The following HDAC9 variants were observed in gnomAD, a reference collection of about 807,000 sequenced individuals.
HDAC9 encodes MEF-2 interacting transcription repressor (MITR) protein.
A neutral mutation model predicts 139.4 loss-of-function variants in HDAC9; 41 were observed. The observed-to-expected ratio is 0.29, with a 90% CI of 0.23 to 0.38. The LOEUF (loss-of-function observed/expected upper bound fraction) is 0.38. Among genes scored for constraint, HDAC9 ranks in the 10% least tolerant of loss-of-function variants. The pLI is 1.00. For synonymous variants in HDAC9, 517 were observed against 476.2 expected (o/e 1.09, Z -1.12); for missense variants, 1,147 against 1,297.0 (o/e 0.88, Z 1.78).
At chr7:18,539,820 G>A (rs1812163021) in intron 2 of HDAC9, among the ~76,000 whole-genome samples, 1 of 151,962 alleles carries the variant, frequency 6.6e-6, no homozygotes, top group Non-Finnish European at 1.5e-5. Context: ...TGTGATTATA[G>A]TTATTTGAAT....
chr7:18,495,678 T>C, upstream of HDAC9: 1 of 910,100 alleles, frequency 1.1e-6, no homozygotes. Context: ...GGCCATGCTG[T>C]TGTTGATTCA....
chr7:18,366,067 T>G (rs1360941803), intron 1 of HDAC9, among the ~76,000 whole-genome samples: 3 of 146,048 alleles, frequency 2.1e-5, no homozygotes, highest in Non-Finnish European at 4.5e-5. Context: ...ATTTGAAAAA[T>G]ATTTATTTCA....
intron 14 of HDAC9, among the ~76,000 whole-genome samples, chr7:18,754,891 A>T: frequency 6.6e-6 from 1 of 152,148 alleles, no homozygotes; most frequent in Admixed American, 6.6e-5. Flanking sequence ...CTGTGGTGAA[A>T]CACTTTGGAA....
chr7:18,326,850 G>A (rs1312913548), intron 1 of HDAC9, among the ~76,000 whole-genome samples: 1 of 151,864 alleles, frequency 6.6e-6, no homozygotes, highest in Non-Finnish European at 1.5e-5. Context: ...AGAATTCAGG[G>A]GAGAACTGAT....
intron 11 of HDAC9, among the ~76,000 whole-genome samples, chr7:18,651,814 A>G (rs1381115623): frequency 6.6e-6 from 1 of 152,098 alleles, no homozygotes; most frequent in Admixed American, 6.6e-5. Flanking sequence ...TCTTACAGTT[A>G]CGGTGTAAGT....
At chr7:18,412,330 A>C (rs1394085824) in intron 1 of HDAC9, among the ~76,000 whole-genome samples, 1 of 152,182 alleles carries the variant, frequency 6.6e-6, no homozygotes, top group Non-Finnish European at 1.5e-5. Flanking sequence ...TATATAGCTC[A>C]CTGAAAAAAC....
Position 18,793,457 on chromosome 7 carries a change from G to A in HDAC9, c.2322+5G>A. 1 of 1,539,086 alleles carries A rather than the reference G, an allele frequency of 6.5e-7. No individual in the cohort carries two copies. The highest frequency in any genetic ancestry group is 8.8e-7 in the Non-Finnish European group (1 of 1,131,044). On this transcript the variant is annotated splice_donor_5th_base_variant and intron_variant, in intron 17 of 25. Transcript: ENST00000686413. ...GTGGCCTCAGGAGAGCTGAAGGTGAGGTCCGGGTTGCATTAAGTGTGGGAA... is the reference window on the plus strand; with the variant it reads ...GTGGCCTCAGGAGAGCTGAAGGTGAAGTCCGGGTTGCATTAAGTGTGGGAA...
intron 2 of HDAC9, among the ~76,000 whole-genome samples, chr7:18,180,447 G>A (rs537978470): frequency 6.6e-6 from 1 of 151,854 alleles, no homozygotes; most frequent in African/African-American, 2.4e-5. Flanking sequence ...TCACTGATAA[G>A]ATTGATGAGT....
chr7:18,708,840 A>T (rs545285391), intron 12 of HDAC9, among the ~76,000 whole-genome samples: 20 of 152,268 alleles, frequency 1.3e-4, no homozygotes, highest in Admixed American at 7.9e-4. Context: ...TATGTGGTAC[A>T]CAGAAACACT....
At chr7:18,453,315 A>G (rs915095172) in intron 1 of HDAC9, among the ~76,000 whole-genome samples, 18 of 152,196 alleles carry the variant, frequency 1.2e-4, no homozygotes, top group African/African-American at 3.9e-4. Flanking sequence ...GTCAGCATTG[A>G]TTAAAAAAAG....
intron 16 of HDAC9, among the ~76,000 whole-genome samples, chr7:18,775,880 A>T (rs1031195819): frequency 1.3e-5 from 2 of 152,036 alleles, no homozygotes; most frequent in Non-Finnish European, 2.9e-5. Context: ...CTAATGAAAC[A>T]GTTCTACGAG....
intron 1 of HDAC9, among the ~76,000 whole-genome samples, chr7:18,301,918 G>T (rs138832731): frequency 1.4e-4 from 21 of 152,298 alleles, no homozygotes; most frequent in African/African-American, 5.1e-4. Context: ...AATGGATCTT[G>T]TATAAATCTT....
At chr7:18,103,388 G>T (rs1320154384) in intron 1 of HDAC9, among the ~76,000 whole-genome samples, 1 of 152,034 alleles carries the variant, frequency 6.6e-6, no homozygotes, top group African/African-American at 2.4e-5. Flanking sequence ...TGTTACAAGG[G>T]TATATTGTGT....
intron 1 of HDAC9, among the ~76,000 whole-genome samples, chr7:18,155,451 A>G (rs966149400): frequency 3.9e-5 from 6 of 152,200 alleles, no homozygotes; most frequent in Admixed American, 2.0e-4. Flanking sequence ...ATGAAATGCA[A>G]TATCCAGCAG....
At chr7:18,943,862 T>A (rs1782189407) in intron 23 of HDAC9, among the ~76,000 whole-genome samples, 2 of 152,116 alleles carry the variant, frequency 1.3e-5, no homozygotes, top group Admixed American at 1.3e-4. Context: ...CCCTATGTCA[T>A]CCACATGTAG....
intron 1 of HDAC9, among the ~76,000 whole-genome samples, chr7:18,154,059 A>G (rs1786988357): frequency 6.6e-6 from 1 of 152,182 alleles, no homozygotes; most frequent in Admixed American, 6.5e-5. Flanking sequence ...AACATATTCA[A>G]GTTCTGTATA....
At chr7:18,089,321 A>C (rs1426465715) in intron 1 of HDAC9, among the ~76,000 whole-genome samples, 1 of 152,192 alleles carries the variant, frequency 6.6e-6, no homozygotes, top group Non-Finnish European at 1.5e-5. Context: ...TGTTTAGCAC[A>C]TTAAAGTGCT....
At chr7:18,785,750 G>C (rs766594083) in intron 16 of HDAC9, among the ~76,000 whole-genome samples, 2 of 151,868 alleles carry the variant, frequency 1.3e-5, no homozygotes, top group African/African-American at 2.4e-5. Flanking sequence ...GATTTTACTA[G>C]CATAAAAATT....
At chr7:18,877,236 G>T (rs527561726) in intron 22 of HDAC9, among the ~76,000 whole-genome samples, 1 of 152,192 alleles carries the variant, frequency 6.6e-6, no homozygotes, top group East Asian at 1.9e-4. Flanking sequence ...TTACTAGATA[G>T]CTCAATAGTT....
Sources: gnomAD v4.1 joint callset for allele counts (sites outside exome capture counted in the v4.1 genomes callset) on GRCh38, gnomAD v4.1.1 for gene constraint, MANE v1.5 for transcripts, NCBI Gene and HGNC (gene_info 2026-07-23, HGNC 2026-07-21) for gene names.